The following NEBL variants were observed in gnomAD, a reference collection of about 807,000 sequenced individuals.
NEBL encodes the protein nebulette.
NEBL carries 122 observed loss-of-function variants against 140.2 expected under a neutral mutation model. That is an observed-to-expected ratio of 0.87 (90% CI 0.75 to 1.01). The LOEUF (loss-of-function observed/expected upper bound fraction) is 1.01, where lower values mean the gene tolerates loss of function less well. Ranked by LOEUF, NEBL falls within the 50% of genes least tolerant of loss-of-function variation. NEBL has a pLI of 0.00. For missense variants in NEBL, 1,365 were observed against 1,231.3 expected, an observed-to-expected ratio of 1.11 and a Z score of -1.62; for synonymous variants, 436 against 398.9, an observed-to-expected ratio of 1.09 and a Z score of -1.11.
At chr10:21,176,399 T>C (rs1841301031), upstream of NEBL, among the ~76,000 whole-genome samples, 1 of 152,248 alleles carries the variant, frequency 6.6e-6, no homozygotes, top group African/African-American at 2.4e-5. Flanking sequence ...ATTCATGTGA[T>C]ATTTTATTCT....
intron 1 of NEBL, among the ~76,000 whole-genome samples, chr10:21,275,460 G>A (rs763502174): frequency 2.6e-5 from 4 of 152,112 alleles, no homozygotes; most frequent in South Asian, 2.1e-4. Flanking sequence ...CACTGAGCCC[G>A]AGTGGTGCAG....
intron 9 of NEBL, among the ~76,000 whole-genome samples, chr10:20,855,666 T>C (rs1261627059): frequency 6.6e-6 from 1 of 152,160 alleles, no homozygotes; most frequent in Non-Finnish European, 1.5e-5. Context: ...TCTTAATTTA[T>C]GTAAAGTTGT....
At chr10:21,014,202 C>A (rs2131748292) in intron 3 of NEBL, among the ~76,000 whole-genome samples, 1 of 152,188 alleles carries the variant, frequency 6.6e-6, no homozygotes, top group Non-Finnish European at 1.5e-5. Context: ...TAGCTCACTA[C>A]AACCTCAAAT....
intron 3 of NEBL, among the ~76,000 whole-genome samples, chr10:21,194,308 T>C (rs951393280): frequency 6.6e-6 from 1 of 152,124 alleles, no homozygotes; most frequent in South Asian, 2.1e-4. Flanking sequence ...TCTACAAAGT[T>C]ACAATAAATA....
At chr10:20,816,250 C>T (rs888355558) in intron 21 of NEBL, among the ~76,000 whole-genome samples, 8 of 152,070 alleles carry the variant, frequency 5.3e-5, no homozygotes, top group Admixed American at 2.6e-4. Flanking sequence ...GCATACCATC[C>T]GTAAAGCTGT....
intron 4 of NEBL, among the ~76,000 whole-genome samples, chr10:20,937,122 C>G (rs1446059992): frequency 6.6e-6 from 1 of 152,186 alleles, no homozygotes. Flanking sequence ...TGAGGGCACA[C>G]AGACTTCCCC....
intron 3 of NEBL, among the ~76,000 whole-genome samples, chr10:21,185,531 T>C (rs1345565016): frequency 7.1e-6 from 1 of 140,898 alleles, no homozygotes; most frequent in Non-Finnish European, 1.5e-5. Flanking sequence ...AGAGTCTAGC[T>C]CTGTCGCCCA....
chr10:20,939,322 T>G (rs922869821), intron 4 of NEBL, among the ~76,000 whole-genome samples: 9 of 152,098 alleles, frequency 5.9e-5, no homozygotes, highest in African/African-American at 1.9e-4. Flanking sequence ...GAATTTCATA[T>G]CCAGCCAAAC....
intron 16 of NEBL, among the ~76,000 whole-genome samples, chr10:20,829,492 C>T (rs544705027): frequency 1.3e-5 from 2 of 151,356 alleles, no homozygotes; most frequent in East Asian, 2.0e-4. Flanking sequence ...TGCTAGATGA[C>T]GAGTTAGTGG....
intron 2 of NEBL, among the ~76,000 whole-genome samples, chr10:21,131,917 T>A (rs1263955824): frequency 6.6e-6 from 1 of 152,200 alleles, no homozygotes; most frequent in East Asian, 1.9e-4. Context: ...TGCTTCCTAC[T>A]TTCTGCAAAA....
Position 20,949,000 on chromosome 10 carries a change from T to C in NEBL, c.357+12672A>G, listed in dbSNP as rs1476526341. Among the ~76,000 whole-genome samples the C allele has an allele frequency of 3.3e-5, 5 of 152,232 alleles. No individual in the cohort carries two copies. The East Asian group carries it at 9.6e-4, about 29-fold the overall frequency. The stretch of plus-strand genomic sequence containing the variant: ...ATACGTGGCAAACACATATGTCACA[T>C]GTGCAAAGACAGCTATTTCAGATGC... On this transcript the variant is annotated intron_variant, in intron 4 of 6. Coordinates refer to the NEBL transcript ENST00000417816.
chr10:21,096,732 C>T (rs1370654547), intron 2 of NEBL, among the ~76,000 whole-genome samples: 1 of 152,160 alleles, frequency 6.6e-6, no homozygotes, highest in Admixed American at 6.5e-5. Flanking sequence ...CCAAGCTAGT[C>T]TCATACTCCT....
chr10:21,051,088 A>C (rs1250932729), intron 2 of NEBL, among the ~76,000 whole-genome samples: 1 of 152,182 alleles, frequency 6.6e-6, no homozygotes, highest in African/African-American at 2.4e-5. Flanking sequence ...GGATGAAAAA[A>C]GAAGAAATAG....
At chr10:21,162,679 C>A (rs1840603413) in intron 2 of NEBL, among the ~76,000 whole-genome samples, 1 of 152,204 alleles carries the variant, frequency 6.6e-6, no homozygotes, top group African/African-American at 2.4e-5. Context: ...AGGAAACCAA[C>A]TCAAATGGGA....
chr10:21,282,516 GA>G (rs916922084), intron 1 of NEBL, among the ~76,000 whole-genome samples: 11 of 151,696 alleles, frequency 7.3e-5, no homozygotes, highest in African/African-American at 1.4e-4. Context: ...AGGCAGGGGG[GA>G]AAAAAAAGAA....
intron 17 of NEBL, 97 bp from the exon 18 acceptor site, chr10:20,826,636 T>C (rs1839904580): frequency 2.3e-6 from 2 of 862,460 alleles, no homozygotes; most frequent in African/African-American, 1.7e-5. Context: ...TTTATAATAA[T>C]ATGAATACTG....
At chr10:20,814,617 T>TACACACACATAC (rs1554775384) in intron 22 of NEBL, among the ~76,000 whole-genome samples, 2 of 146,526 alleles carry the variant, frequency 1.4e-5, no homozygotes, top group East Asian at 4.0e-4. Flanking sequence ...CATACACACA[T>TACACACACATAC]ACACACACAC....
At chr10:20,856,295 TTC>T (rs772136376) in intron 9 of NEBL, among the ~76,000 whole-genome samples, 22 of 152,364 alleles carry the variant, frequency 1.4e-4, no homozygotes, top group Middle Eastern at 3.4e-3. Context: ...TGCGATTTTT[TTC>T]TCTGTTATTA....
chr10:21,039,994 G>C (rs1834196508), intron 2 of NEBL, among the ~76,000 whole-genome samples: 1 of 152,190 alleles, frequency 6.6e-6, no homozygotes, highest in Admixed American at 6.6e-5. Context: ...GGATTACACA[G>C]CCAGAGAATA....
Sources: allele counts gnomAD v4.1 joint callset (sites outside exome capture counted in the v4.1 genomes callset), GRCh38; gene constraint gnomAD v4.1.1; transcripts MANE v1.5; gene names NCBI Gene and HGNC (gene_info 2026-07-23, HGNC 2026-07-21).